Variants in TMEM232 observed in about 807,000 individuals in gnomAD.
TMEM232 encodes the protein transmembrane protein 232.
In TMEM232, 80 loss-of-function variants were observed where a neutral mutation model predicts 78.8. The ratio of observed to expected loss-of-function variants is 1.01; its 90% CI spans 0.85 to 1.22. The LOEUF (loss-of-function observed/expected upper bound fraction) is 1.22. Ranked by LOEUF, TMEM232 falls within the 50% of genes most tolerant of loss-of-function variation. The pLI is 0.00. For synonymous variants in TMEM232, 297 were observed against 254.3 expected (o/e 1.17, Z -1.60); for missense variants, 881 against 742.2 (o/e 1.19, Z -2.17).
chr5:110,722,007 G>A (rs1270950709), intron 1 of TMEM232, among the ~76,000 whole-genome samples: 6 of 151,846 alleles, frequency 4.0e-5, no homozygotes, highest in Non-Finnish European at 8.8e-5. Context: ...AACCATTAGA[G>A]TGCTGAATTC....
chr5:110,714,444 C>T (rs537752926), intron 1 of TMEM232, among the ~76,000 whole-genome samples: 1 of 152,216 alleles, frequency 6.6e-6, no homozygotes, highest in Non-Finnish European at 1.5e-5. Flanking sequence ...AGAACTGTGC[C>T]TTGTATAGCC....
intron 1 of TMEM232, among the ~76,000 whole-genome samples, chr5:110,704,373 C>T (rs745746631): frequency 3.3e-5 from 5 of 152,052 alleles, no homozygotes; most frequent in Non-Finnish European, 7.4e-5. Context: ...TCTGAGTCTA[C>T]CAGAGATCTC....
intron 12 of TMEM232, among the ~76,000 whole-genome samples, chr5:110,445,042 A>G (rs935865562): frequency 6.6e-6 from 1 of 151,874 alleles, no homozygotes; most frequent in African/African-American, 2.4e-5. Flanking sequence ...TTCATATACT[A>G]TTCTTTTCTA....
intron 12 of TMEM232, among the ~76,000 whole-genome samples, chr5:110,490,173 G>GAAAGAAAGAAAGAAAGAAAGAAAT (rs1764917737): frequency 1.6e-5 from 2 of 126,402 alleles, no homozygotes; most frequent in African/African-American, 7.6e-5. Context: ...AAGAAAGAAA[G>GAAAGAAAGAAAGAAAGAAAGAAAT]AAAGAAAGAA....
rs543995528 is a variant in TMEM232 at position 110,453,458 on chromosome 5, C to T, written c.1704-28542G>A. The stretch of plus-strand genomic sequence containing the variant: ...CTGGGATTACAGGCATGCTCCACCA[C>T]GTCCAGCTAATTTTTGTATTTTTAG... On this transcript the variant is annotated intron_variant, in intron 12 of 13. Coordinates refer to ENST00000455884, the MANE Select transcript of TMEM232 (RefSeq NM_001039763.4). 7.9e-5 allele frequency among the ~76,000 whole-genome samples: 12 copies of T among 152,134 alleles called. 1 individual carries two copies. The South Asian group carries it at 1.2e-3, about 16-fold the overall frequency.
intron 1 of TMEM232, among the ~76,000 whole-genome samples, chr5:110,702,703 C>A (rs1184288684): frequency 6.6e-6 from 1 of 152,040 alleles, no homozygotes; most frequent in Non-Finnish European, 1.5e-5. Context: ...TTATCTGATT[C>A]ATTGATGGAT....
intron 8 of TMEM232, among the ~76,000 whole-genome samples, chr5:110,616,886 G>A (rs922595359): frequency 6.6e-6 from 1 of 152,098 alleles, no homozygotes; most frequent in African/African-American, 2.4e-5. Context: ...CTTGAAAATT[G>A]AAAATAGAAC....
At chr5:110,601,723 A>C (rs1780930158) in intron 10 of TMEM232, among the ~76,000 whole-genome samples, 1 of 152,184 alleles carries the variant, frequency 6.6e-6, no homozygotes, top group Non-Finnish European at 1.5e-5. Context: ...ATACTGCCCA[A>C]ATTAATTTAT....
chr5:110,709,265 G>A (rs1796237042), intron 1 of TMEM232, among the ~76,000 whole-genome samples: 1 of 152,106 alleles, frequency 6.6e-6, no homozygotes, highest in Non-Finnish European at 1.5e-5. Flanking sequence ...GAGAGAAATA[G>A]ATCTCAGCGA....
intron 12 of TMEM232, among the ~76,000 whole-genome samples, chr5:110,495,883 TAAAAA>T (rs1454730124): frequency 6.6e-6 from 1 of 151,438 alleles, no homozygotes; most frequent in Non-Finnish European, 1.5e-5. Context: ...ATTCATTAAA[TAAAAA>T]AGAAATGTTC....
intron 12 of TMEM232, among the ~76,000 whole-genome samples, chr5:110,507,498 G>C (rs1767051680): frequency 6.6e-6 from 1 of 152,150 alleles, no homozygotes; most frequent in African/African-American, 2.4e-5. Flanking sequence ...CTCATACTTG[G>C]CTAAAATGCC....
intron 11 of TMEM232, among the ~76,000 whole-genome samples, chr5:110,542,398 A>T (rs766904045): frequency 2.5e-4 from 38 of 152,136 alleles, no homozygotes; most frequent in Admixed American, 7.2e-4. Context: ...TCTTTTAACC[A>T]AATTTATTTC....
chr5:110,437,417 G>T (rs1050317439), intron 12 of TMEM232, among the ~76,000 whole-genome samples: 7 of 151,706 alleles, frequency 4.6e-5, no homozygotes, highest in African/African-American at 1.7e-4. Flanking sequence ...ATTTATGAAA[G>T]GCTATAAAGA....
At chr5:110,596,191 G>A (rs957357523) in intron 10 of TMEM232, among the ~76,000 whole-genome samples, 4 of 152,066 alleles carry the variant, frequency 2.6e-5, no homozygotes, top group African/African-American at 7.2e-5. Context: ...TATCACCACC[G>A]ATCCCACAGA....
At chr5:110,620,797 C>T (rs375810273) in intron 7 of TMEM232, among the ~76,000 whole-genome samples, 3 of 149,516 alleles carry the variant, frequency 2.0e-5, no homozygotes, top group East Asian at 2.0e-4. Flanking sequence ...GCCACACCTG[C>T]GAATTTTCCA....
At chr5:110,626,243 T>C (rs557973834) in intron 6 of TMEM232, among the ~76,000 whole-genome samples, 1 of 152,160 alleles carries the variant, frequency 6.6e-6, no homozygotes, top group South Asian at 2.1e-4. Context: ...AACTTGAGCT[T>C]TTTACTCAAA....
At chr5:110,717,757 T>C (rs1404683003) in intron 1 of TMEM232, among the ~76,000 whole-genome samples, 4 of 152,136 alleles carry the variant, frequency 2.6e-5, no homozygotes, top group Admixed American at 2.0e-4. Context: ...GATGGTTTTA[T>C]AAGGGGCTCT....
At chr5:110,696,735 C>T (rs1317096543) in intron 1 of TMEM232, among the ~76,000 whole-genome samples, 1 of 152,094 alleles carries the variant, frequency 6.6e-6, no homozygotes, top group Non-Finnish European at 1.5e-5. Context: ...AGGAATCCAA[C>T]TTATAAGGGA....
chr5:110,501,894 T>C (rs1766302575), intron 12 of TMEM232, among the ~76,000 whole-genome samples: 2 of 152,274 alleles, frequency 1.3e-5, no homozygotes, highest in East Asian at 3.9e-4. Flanking sequence ...GGTCTAATCT[T>C]GTAGGGAAGT....
Sources: gnomAD v4.1 joint callset for allele counts (sites outside exome capture counted in the v4.1 genomes callset) on GRCh38, gnomAD v4.1.1 for gene constraint, MANE v1.5 for transcripts, NCBI Gene and HGNC (gene_info 2026-07-23, HGNC 2026-07-21) for gene names.